MMP16: variants seen among roughly 807,000 people sequenced by gnomAD.
MMP16 encodes the protein matrix metallopeptidase 16.
MMP16 carries 12 observed loss-of-function variants against 67.8 expected under a neutral mutation model. That is an observed-to-expected ratio of 0.18 (90% confidence interval 0.11 to 0.29). The LOEUF (loss-of-function observed/expected upper bound fraction) is 0.29, where lower values mean the gene tolerates loss of function less well. Ranked by LOEUF, MMP16 falls within the 10% of genes least tolerant of loss-of-function variation. The probability of loss-of-function intolerance (pLI) is 1.00; values close to 1 mark genes in which losing one functional copy is unlikely to be tolerated. For missense variants in MMP16, 475 were observed against 765.7 expected (o/e 0.62, Z 4.48); for synonymous variants, 249 against 255.9 (o/e 0.97, Z 0.26).
chr8:88,236,222 T>C (rs1809938001), intron 1 of MMP16, among the ~76,000 whole-genome samples: 1 of 152,192 alleles, frequency 6.6e-6, no homozygotes, highest in Non-Finnish European at 1.5e-5. Context: ...ATGGTTGAGA[T>C]CACATATTCT....
intron 6 of MMP16, among the ~76,000 whole-genome samples, chr8:88,100,316 G>T (rs1178327221): frequency 6.6e-6 from 1 of 151,962 alleles, no homozygotes; most frequent in Non-Finnish European, 1.5e-5. Context: ...AGTGGGCAAA[G>T]GATATGAACA....
intron 1 of MMP16, among the ~76,000 whole-genome samples, chr8:88,212,848 G>A (rs1255024350): frequency 1.3e-5 from 2 of 152,072 alleles, no homozygotes; most frequent in Non-Finnish European, 2.9e-5. Flanking sequence ...ACATATCTAC[G>A]TATTATGTGT....
intron 1 of MMP16, among the ~76,000 whole-genome samples, chr8:88,219,189 G>C (rs1809639941): frequency 6.6e-6 from 1 of 151,968 alleles, no homozygotes; most frequent in Admixed American, 6.6e-5. Flanking sequence ...AGACAAATTA[G>C]CGACAGAATA....
chr8:88,176,670 T>C lies in MMP16; in HGVS notation c.405-8697A>G, dbSNP rs575249306. Among the ~76,000 whole-genome samples, 4 of 152,336 alleles carry C rather than the reference T, an allele frequency of 2.6e-5. No homozygotes were observed. The East Asian group carries it at 5.8e-4, about 22-fold the overall frequency. On this transcript the variant is annotated intron_variant, in intron 3 of 9. Coordinates refer to ENST00000286614, the MANE Select transcript of MMP16 (RefSeq NM_005941.5). The stretch of plus-strand genomic sequence containing the variant: ...TCACAGAATAATTTTGTAGATGAGA[T>C]AGTGAATCCTTTTCCAATTGATCTA...
intron 7 of MMP16, among the ~76,000 whole-genome samples, chr8:88,066,392 GA>G (rs908011159): frequency 2.3e-4 from 35 of 150,006 alleles, no homozygotes; most frequent in African/African-American, 6.8e-4. Flanking sequence ...CAGTTGCTGG[GA>G]AAAAAAAACA....
intron 1 of MMP16, among the ~76,000 whole-genome samples, chr8:88,315,512 A>C (rs1811363325): frequency 6.6e-6 from 1 of 152,016 alleles, no homozygotes; most frequent in Admixed American, 6.6e-5. Context: ...CCCAAACCTC[A>C]CTCTATGTGA....
At chr8:88,167,575 G>A in intron 4 of MMP16, 94 bp downstream of exon 4, 2 of 1,221,970 alleles carry the variant, frequency 1.6e-6, no homozygotes, top group South Asian at 3.4e-5. Context: ...AGTAAATTTA[G>A]GATCTATACC....
chr8:88,170,594 G>T (rs1174188899), intron 3 of MMP16, among the ~76,000 whole-genome samples: 1 of 152,090 alleles, frequency 6.6e-6, no homozygotes, highest in African/African-American at 2.4e-5. Context: ...ACAGCTGTGG[G>T]CAAGACTCTG....
At chr8:88,102,959 A>G (rs1352870957) in intron 6 of MMP16, among the ~76,000 whole-genome samples, 2 of 151,788 alleles carry the variant, frequency 1.3e-5, no homozygotes, top group Non-Finnish European at 2.9e-5. Context: ...TGTTCCCACC[A>G]AGTCATTCTT....
At chr8:88,119,642 C>T (rs1340779109) in intron 4 of MMP16, among the ~76,000 whole-genome samples, 5 of 151,946 alleles carry the variant, frequency 3.3e-5, no homozygotes, top group Admixed American at 1.3e-4. Context: ...CAATCAACCC[C>T]GTTGATGACT....
intron 4 of MMP16, among the ~76,000 whole-genome samples, chr8:88,166,079 ACTC>A (rs1808705981): frequency 6.6e-6 from 1 of 152,056 alleles, no homozygotes; most frequent in Non-Finnish European, 1.5e-5. Flanking sequence ...TTTAAATTTA[ACTC>A]AACCTAATTT....
chr8:88,130,123 T>A (rs1220446849), intron 4 of MMP16, among the ~76,000 whole-genome samples: 1 of 151,776 alleles, frequency 6.6e-6, no homozygotes, highest in African/African-American at 2.4e-5. Flanking sequence ...ACATGTAAAG[T>A]TTGGCTTGAT....
intron 1 of MMP16, among the ~76,000 whole-genome samples, chr8:88,257,336 G>C (rs1008880842): frequency 6.6e-6 from 1 of 152,210 alleles, no homozygotes; most frequent in Non-Finnish European, 1.5e-5. Flanking sequence ...GTAGAGTAGA[G>C]TAGAGAAAGG....
At chr8:88,065,696 T>G (rs1038024016) in intron 7 of MMP16, among the ~76,000 whole-genome samples, 1 of 152,110 alleles carries the variant, frequency 6.6e-6, no homozygotes, top group Non-Finnish European at 1.5e-5. Flanking sequence ...GTTACCTATT[T>G]ATTGTACTAT....
chr8:88,304,992 A>G (rs941418601), intron 1 of MMP16, among the ~76,000 whole-genome samples: 1 of 152,192 alleles, frequency 6.6e-6, no homozygotes, highest in Non-Finnish European at 1.5e-5. Flanking sequence ...CAATTAAAAA[A>G]CACAGAATGA....
intron 1 of MMP16, among the ~76,000 whole-genome samples, chr8:88,258,016 G>T (rs2129940674): frequency 1.3e-5 from 2 of 151,188 alleles, no homozygotes; most frequent in East Asian, 1.9e-4. Context: ...GCTGAAGCTA[G>T]AAAAGTCAAA....
intron 3 of MMP16, among the ~76,000 whole-genome samples, chr8:88,174,867 G>C (rs1400210148): frequency 1.3e-5 from 2 of 151,560 alleles, no homozygotes; most frequent in Non-Finnish European, 2.9e-5. Context: ...CAATTCTCCT[G>C]CCTAGCCTAC....
intron 1 of MMP16, among the ~76,000 whole-genome samples, chr8:88,318,757 T>G (rs1811413433): frequency 6.6e-6 from 1 of 152,212 alleles, no homozygotes; most frequent in Admixed American, 6.5e-5. Flanking sequence ...CGTTTATATA[T>G]GAAACATTTA....
At chr8:88,094,300 C>A (rs1372428320) in intron 6 of MMP16, among the ~76,000 whole-genome samples, 1 of 151,194 alleles carries the variant, frequency 6.6e-6, no homozygotes, top group African/African-American at 2.4e-5. Context: ...ATATAACTAC[C>A]AAAATTATAT....
Sources: gnomAD v4.1 joint callset for allele counts (sites outside exome capture counted in the v4.1 genomes callset) on GRCh38, gnomAD v4.1.1 for gene constraint, MANE v1.5 for transcripts, NCBI Gene and HGNC (gene_info 2026-07-23, HGNC 2026-07-21) for gene names.